NTM: variants seen among roughly 807,000 people sequenced by gnomAD.
NTM encodes neurotrimin, also known as IgLON family member 2.
A neutral mutation model predicts 42.1 loss-of-function variants in NTM; 13 were observed. The ratio of observed to expected loss-of-function variants is 0.31; its 90% CI spans 0.20 to 0.49. The LOEUF (loss-of-function observed/expected upper bound fraction) is 0.49, where lower values mean the gene tolerates loss of function less well. NTM is among the 20% of genes least tolerant of loss of function. The probability of loss-of-function intolerance (pLI) is 0.99; values close to 1 mark genes in which losing one functional copy is unlikely to be tolerated. For synonymous variants in NTM, 187 were observed against 179.2 expected (o/e 1.04, Z -0.35); for missense variants, 373 against 452.8 (o/e 0.82, Z 1.60).
At chr11:132,117,107 T>G (rs2064011822) in intron 2 of NTM, among the ~76,000 whole-genome samples, 1 of 152,188 alleles carries the variant, frequency 6.6e-6, no homozygotes, top group Non-Finnish European at 1.5e-5. Flanking sequence ...AATTCTGCAT[T>G]GGAAAATTTC....
At chr11:132,237,164 C>T (rs557870473) in intron 4 of NTM, among the ~76,000 whole-genome samples, 8 of 152,358 alleles carry the variant, frequency 5.3e-5, no homozygotes, top group African/African-American at 1.7e-4. Flanking sequence ...CAGCAGTAAA[C>T]GTCCGGAACA....
chr11:132,067,682 G>T (rs1371269309), intron 2 of NTM, among the ~76,000 whole-genome samples: 4 of 152,174 alleles, frequency 2.6e-5, no homozygotes, highest in Non-Finnish European at 5.9e-5. Flanking sequence ...TACATGCAAG[G>T]CCTGGGAATA....
intron 1 of NTM, among the ~76,000 whole-genome samples, chr11:131,477,576 G>A (rs2136215345): frequency 6.6e-6 from 1 of 151,868 alleles, no homozygotes; most frequent in Middle Eastern, 3.4e-3. Context: ...CAGCTTGAAT[G>A]TTGGTGTCCA....
intron 1 of NTM, among the ~76,000 whole-genome samples, chr11:131,857,564 G>A (rs1342790083): frequency 3.9e-5 from 6 of 152,106 alleles, no homozygotes; most frequent in Admixed American, 2.6e-4. Flanking sequence ...GTGTTCACAC[G>A]TCTTTTCCTG....
intron 1 of NTM, among the ~76,000 whole-genome samples, chr11:131,737,865 A>G (rs2080681465): frequency 6.6e-6 from 1 of 152,142 alleles, no homozygotes. Context: ...CCAGGTTGCC[A>G]TTCTCTATAT....
intron 4 of NTM, among the ~76,000 whole-genome samples, chr11:132,255,390 C>G (rs990668999): frequency 6.6e-6 from 1 of 152,154 alleles, no homozygotes; most frequent in African/African-American, 2.4e-5. Context: ...TTAAGTGATT[C>G]CTGCAGAAGT....
intron 1 of NTM, chr11:131,767,175 C>T (rs1046156221): frequency 2.8e-5 from 26 of 924,920 alleles, no homozygotes; most frequent in Non-Finnish European, 3.1e-5. Flanking sequence ...TTCTCAAAGA[C>T]AAATTACTTA....
chr11:132,242,625 G>C (rs937359173), intron 4 of NTM, among the ~76,000 whole-genome samples: 1 of 152,204 alleles, frequency 6.6e-6, no homozygotes, highest in African/African-American at 2.4e-5. Flanking sequence ...CACACGGCCC[G>C]AGTAGCCACC....
chr11:131,485,298 AC>A (rs10706522), intron 1 of NTM, among the ~76,000 whole-genome samples: 25,395 of 152,170 alleles, frequency 0.17, 3,800 homozygotes, highest in East Asian at 0.45. Flanking sequence ...TGACATGGCC[AC>A]CTGGTGGGGC....
chr11:131,890,178 GTC>G (rs1333519466), intron 1 of NTM, among the ~76,000 whole-genome samples: 2 of 56,500 alleles, frequency 3.5e-5, no homozygotes, highest in Non-Finnish European at 3.9e-5. Flanking sequence ...CTCTCTCTCT[GTC>G]TCTCTCTCTC....
At chr11:131,992,638 A>G (rs1000844386) in intron 2 of NTM, among the ~76,000 whole-genome samples, 2 of 152,180 alleles carry the variant, frequency 1.3e-5, no homozygotes, top group African/African-American at 4.8e-5. Flanking sequence ...ATGATGGAAC[A>G]CAGAAGTAAG....
intron 2 of NTM, among the ~76,000 whole-genome samples, chr11:132,140,760 C>G (rs562660012): frequency 9.1e-4 from 139 of 152,278 alleles, no homozygotes; most frequent in Admixed American, 2.6e-3. Context: ...ACACGCCAAC[C>G]CCATGGCAGC....
At position 131,462,705 on chromosome 11, in the gene NTM, C is replaced by A. The variant is rs1249679711; in HGVS notation, c.82+91817C>A. ...CCTGGCAAACTCCAACATGTCCTGC[C>A]CTCTTCCTAGCATTGTACAGCAACT... On this transcript the variant is annotated intron_variant, in intron 1 of 8. Coordinates refer to ENST00000683400, the MANE Select transcript of NTM (RefSeq NM_001352005.2). Among the ~76,000 whole-genome samples the A allele has an allele frequency of 2.0e-5, 3 of 152,086 alleles. No homozygotes were observed. The East Asian group carries it at 5.8e-4, about 29-fold the overall frequency.
At chr11:131,506,670 C>G (rs549593976) in intron 1 of NTM, among the ~76,000 whole-genome samples, 16 of 152,222 alleles carry the variant, frequency 1.1e-4, no homozygotes, top group African/African-American at 3.6e-4. Flanking sequence ...AGGGCACAGC[C>G]CTAGGGCCTC....
intron 2 of NTM, among the ~76,000 whole-genome samples, chr11:132,043,127 G>A (rs937758787): frequency 2.0e-5 from 3 of 152,172 alleles, no homozygotes; most frequent in African/African-American, 7.2e-5. Context: ...TAATGGCCAA[G>A]GGATGGGTAG....
Position 131,892,049 on chromosome 11 carries a change from C to T in NTM, c.83-19515C>T, listed in dbSNP as rs116244264. 6.4e-3 allele frequency among the ~76,000 whole-genome samples: 967 copies of T among 152,248 alleles called. 6 individuals are homozygous for T. The highest frequency in any genetic ancestry group is 0.051 in the Middle Eastern group (15 of 294). On this transcript the variant is annotated intron_variant, in intron 1 of 8. Coordinates refer to ENST00000683400, the MANE Select transcript of NTM (RefSeq NM_001352005.2). ...TAAAATACACTGATTTGGAGTTAGA[C>T]GACTAAATTTGAAACCAAGGTCTTC... is the stretch of plus-strand genomic sequence containing the variant.
At chr11:131,494,881 A>G (rs534699897) in intron 1 of NTM, among the ~76,000 whole-genome samples, 2 of 152,288 alleles carry the variant, frequency 1.3e-5, no homozygotes, top group Admixed American at 6.5e-5. Flanking sequence ...AGCTCTGGGA[A>G]ATCACTTTCT....
intron 1 of NTM, among the ~76,000 whole-genome samples, chr11:131,424,770 C>T (rs74643563): frequency 2.1e-5 from 3 of 145,390 alleles, no homozygotes; most frequent in Non-Finnish European, 4.5e-5. Flanking sequence ...AGGGTTTCAC[C>T]GTGTTAGCCA....
intron 2 of NTM, among the ~76,000 whole-genome samples, chr11:131,946,053 AGT>A (rs1193701881): frequency 6.6e-6 from 1 of 152,212 alleles, no homozygotes; most frequent in Non-Finnish European, 1.5e-5. Context: ...AGAACCCAGA[AGT>A]TATAGCCAGA....
Sources: gnomAD v4.1 joint callset for allele counts (sites outside exome capture counted in the v4.1 genomes callset) on GRCh38, gnomAD v4.1.1 for gene constraint, MANE v1.5 for transcripts, NCBI Gene and HGNC (gene_info 2026-07-23, HGNC 2026-07-21) for gene names.